The following IRAK1BP1 variants were observed in gnomAD, a reference collection of about 807,000 sequenced individuals.
IRAK1BP1 encodes the protein interleukin-1 receptor-associated kinase 1-binding protein 1.
A neutral mutation model predicts 28.0 loss-of-function variants in IRAK1BP1; 24 were observed. The ratio of observed to expected loss-of-function variants is 0.86; its 90% CI spans 0.62 to 1.20. The LOEUF (loss-of-function observed/expected upper bound fraction) is 1.20. Ranked by LOEUF, IRAK1BP1 falls within the 50% of genes most tolerant of loss-of-function variation. IRAK1BP1 has a pLI of 0.00. For missense variants in IRAK1BP1, 336 were observed against 316.7 expected, an observed-to-expected ratio of 1.06 and a Z score of -0.46; for synonymous variants, 131 against 116.3, an observed-to-expected ratio of 1.13 and a Z score of -0.81.
chr6:78,950,827 CTTTTT>C (rs752036707), downstream of IRAK1BP1, among the ~76,000 whole-genome samples: 71 of 151,684 alleles, frequency 4.7e-4, no homozygotes, highest in Non-Finnish European at 6.3e-4. Context: ...TATTGTTTTT[CTTTTT>C]TGAGTTTCAC....
chr6:78,949,805 C>A (rs1236248182), downstream of IRAK1BP1, among the ~76,000 whole-genome samples: 1 of 152,142 alleles, frequency 6.6e-6, no homozygotes, highest in African/African-American at 2.4e-5. Context: ...CCTCCCACCT[C>A]AGCCTCATTA....
intron 4 of IRAK1BP1, among the ~76,000 whole-genome samples, chr6:78,931,264 A>G (rs756370679): frequency 1.3e-4 from 20 of 151,908 alleles, no homozygotes; most frequent in Non-Finnish European, 2.6e-4. Flanking sequence ...CAATCAATAA[A>G]TGCCTGGTGA....
intron 2 of IRAK1BP1, among the ~76,000 whole-genome samples, 162 bp from the exon 3 acceptor site, chr6:78,897,667 A>T (rs1432945490): frequency 6.6e-6 from 1 of 152,140 alleles, no homozygotes; most frequent in Non-Finnish European, 1.5e-5. Flanking sequence ...AATCTTAAAG[A>T]ACAAAATAAT....
intron 4 of IRAK1BP1, among the ~76,000 whole-genome samples, chr6:78,916,039 A>G (rs1329794057): frequency 6.6e-6 from 1 of 152,202 alleles, no homozygotes; most frequent in Non-Finnish European, 1.5e-5. Context: ...CACACTCCAC[A>G]GGGTGTGAGC....
intron 2 of IRAK1BP1, among the ~76,000 whole-genome samples, chr6:78,893,528 A>G (rs1771760498): frequency 6.6e-6 from 1 of 151,946 alleles, no homozygotes; most frequent in South Asian, 2.1e-4. Flanking sequence ...AATTTATACA[A>G]AGGACTGAAG....
At chr6:78,958,448 A>C in the IRAK1BP1 span, 1 of 1,292,386 alleles carries the variant, frequency 7.7e-7, no homozygotes, top group East Asian at 2.3e-5. Flanking sequence ...TAAAACTATC[A>C]TAATTACATA....
chr6:78,925,006 A>G (rs1032704258), intron 4 of IRAK1BP1, among the ~76,000 whole-genome samples: 2 of 152,226 alleles, frequency 1.3e-5, no homozygotes, highest in African/African-American at 2.4e-5. Context: ...TGATGAGTTC[A>G]TGTCCTTTGT....
the IRAK1BP1 span, among the ~76,000 whole-genome samples, chr6:78,955,442 A>T: frequency 7.8e-4 from 118 of 151,776 alleles, 1 homozygote; most frequent in South Asian, 8.3e-3. Flanking sequence ...CCATTAAAAA[A>T]TTTTTTTTAA....
chr6:78,915,796 T>C (rs950257963), intron 4 of IRAK1BP1, among the ~76,000 whole-genome samples: 8 of 152,220 alleles, frequency 5.3e-5, no homozygotes, highest in African/African-American at 1.9e-4. Flanking sequence ...TCTTTTATTA[T>C]AATCCTTGTG....
At chr6:78,924,656 G>T (rs1245450138) in intron 4 of IRAK1BP1, among the ~76,000 whole-genome samples, 4 of 152,166 alleles carry the variant, frequency 2.6e-5, no homozygotes, top group African/African-American at 9.7e-5. Flanking sequence ...GAACATTGAT[G>T]CAAAAATCCT....
At chr6:78,872,684 G>A (rs1343523540) in intron 1 of IRAK1BP1, among the ~76,000 whole-genome samples, 6 of 152,122 alleles carry the variant, frequency 3.9e-5, no homozygotes, top group African/African-American at 4.8e-5. Flanking sequence ...ATCCTCAACT[G>A]GTAATGTTCT....
rs150773328 is a variant in IRAK1BP1, at chr6:78,915,734, A to C, written c.*67+12624A>C. On this transcript the variant is annotated intron_variant and NMD_transcript_variant, in intron 4 of 4. Transcript: ENST00000606868. ...TGGCTCACACTGGCATGACAGCCTGAAAGACCTCCCAGCCTTTCCTGGCTC... is the reference window on the plus strand; with the variant it reads ...TGGCTCACACTGGCATGACAGCCTGCAAGACCTCCCAGCCTTTCCTGGCTC... 6.4e-4 allele frequency among the ~76,000 whole-genome samples: 98 copies of C among 152,322 alleles called. 1 individual carries two copies. The South Asian group carries it at 8.1e-3, about 13-fold the overall frequency.
At chr6:78,877,976 A>T (rs1235057928) in intron 1 of IRAK1BP1, among the ~76,000 whole-genome samples, 1 of 65,818 alleles carries the variant, frequency 1.5e-5, no homozygotes, top group African/African-American at 5.1e-5. Flanking sequence ...TTGAGTAGGT[A>T]AAAAAAAAAA....
Position 78,898,061 on chromosome 6 carries a change from A to G in IRAK1BP1, c.513-3A>G, listed in dbSNP as rs1582022974. ...TTAATAATCTCTCCATTTAATTCCT[A>G]AGACGGCAAGCCTGTCTTGTTGCTG... On this transcript the variant is annotated splice_region_variant and splice_polypyrimidine_tract_variant and intron_variant, in intron 3 of 3. Transcript: ENST00000369940. 1 of 1,607,182 alleles carries G rather than the reference A, an allele frequency of 6.2e-7. No homozygotes were observed. The highest frequency in any genetic ancestry group is 1.1e-5 in the South Asian group (1 of 90,218).
At chr6:78,906,815 C>T (rs531181634), downstream of IRAK1BP1, among the ~76,000 whole-genome samples, 3 of 152,020 alleles carry the variant, frequency 2.0e-5, no homozygotes, top group Non-Finnish European at 2.9e-5. Flanking sequence ...AAAATGTGCA[C>T]GTGTCATTTT....
At chr6:78,867,975 G>A in intron 1 of IRAK1BP1, 84 bp downstream of exon 1, 1 of 1,393,676 alleles carries the variant, frequency 7.2e-7, no homozygotes, top group South Asian at 1.5e-5. Context: ...CCCCCCTAGC[G>A]GGAAGGGAGA....
At chr6:78,974,358 C>G in the IRAK1BP1 span, among the ~76,000 whole-genome samples, 1 of 151,808 alleles carries the variant, frequency 6.6e-6, no homozygotes, top group African/African-American at 2.4e-5. Flanking sequence ...ACCAGAATCT[C>G]TGGGACGCAT....
At chr6:78,915,858 A>G (rs1251735974) in intron 4 of IRAK1BP1, among the ~76,000 whole-genome samples, 7 of 152,174 alleles carry the variant, frequency 4.6e-5, no homozygotes, top group Non-Finnish European at 1.0e-4. Context: ...ACAAACCCAT[A>G]TGTCCAGATA....
intron 4 of IRAK1BP1, among the ~76,000 whole-genome samples, chr6:78,909,146 T>TA (rs1454689019): frequency 2.6e-5 from 4 of 152,208 alleles, no homozygotes; most frequent in South Asian, 4.1e-4. Flanking sequence ...GATCCTAACT[T>TA]ACGATAGTTC....
Sources: allele counts gnomAD v4.1 joint callset (sites outside exome capture counted in the v4.1 genomes callset), GRCh38; gene constraint gnomAD v4.1.1; transcripts MANE v1.5; gene names NCBI Gene and HGNC (gene_info 2026-07-23, HGNC 2026-07-21).